The following FBXO5 variants were observed in gnomAD, a reference collection of about 807,000 sequenced individuals.
The protein encoded by FBXO5 is F-box protein 5.
In FBXO5, 8 loss-of-function variants were observed where a neutral mutation model predicts 43.3. The ratio of observed to expected loss-of-function variants is 0.18; its 90% CI spans 0.11 to 0.33. FBXO5 has a LOEUF of 0.33. Ranked by LOEUF, FBXO5 falls within the 10% of genes least tolerant of loss-of-function variation. The probability of loss-of-function intolerance (pLI) is 1.00; values close to 1 mark genes in which losing one functional copy is unlikely to be tolerated. For missense variants in FBXO5, 491 were observed against 535.7 expected, an observed-to-expected ratio of 0.92 and a Z score of 0.82; for synonymous variants, 204 against 193.7, an observed-to-expected ratio of 1.05 and a Z score of -0.44.
Position 152,975,465 on chromosome 6 carries a change from A to G in FBXO5, c.260T>C (p.Ile87Thr). Reference sequence around the variant, plus strand: ...ACATGACAGCCTTTCATAGTCTTTAATGCAGTCTTTACAGGAACCTTCCAA... The same window carrying G: ...ACATGACAGCCTTTCATAGTCTTTAGTGCAGTCTTTACAGGAACCTTCCAA... Reference protein sequence around the residue: ...AYLEGSCKDCIKDYERLSCIG... With the variant: ...AYLEGSCKDCTKDYERLSCIG... The change falls in exon 2 of 5, where the codon ATT becomes ACT. Residue 87 changes from isoleucine to threonine, a missense_variant. Coordinates refer to ENST00000229758, the MANE Select transcript of FBXO5 (RefSeq NM_012177.5). 2 of 1,614,074 alleles carry G rather than the reference A, an allele frequency of 1.2e-6. No individual in the cohort carries two copies. Among genetic ancestry groups the G allele is most frequent in the Non-Finnish European group, 1.7e-6 (2 of 1,180,022 alleles).
intron 2 of FBXO5, chr6:152,973,376 C>T (rs771005469): frequency 1.1e-5 from 5 of 435,262 alleles, no homozygotes; most frequent in African/African-American, 2.0e-5. Context: ...TTAAGAACCA[C>T]TGCTTTGTAC....
At chr6:152,982,194 G>T (rs1778270571) in intron 1 of FBXO5, among the ~76,000 whole-genome samples, 2 of 152,158 alleles carry the variant, frequency 1.3e-5, no homozygotes, top group Admixed American at 6.5e-5. Context: ...CAATGAGTTG[G>T]GGGGGTGTCT....
At chr6:152,974,446 C>G (rs779530251) in intron 2 of FBXO5, among the ~76,000 whole-genome samples, 1 of 152,050 alleles carries the variant, frequency 6.6e-6, no homozygotes, top group Non-Finnish European at 1.5e-5. Flanking sequence ...GAACAAGGAT[C>G]CTAATCCAAC....
chr6:152,982,429 C>CT (rs1778276746), intron 1 of FBXO5, among the ~76,000 whole-genome samples: 1 of 152,098 alleles, frequency 6.6e-6, no homozygotes, highest in African/African-American at 2.4e-5. Flanking sequence ...GGTGAGGCAC[C>CT]TGGCCAGGCC....
intron 1 of FBXO5, among the ~76,000 whole-genome samples, chr6:152,976,098 CTT>C (rs1274326382): frequency 1.3e-5 from 2 of 152,046 alleles, no homozygotes; most frequent in Admixed American, 1.3e-4. Context: ...TTATGGTTCT[CTT>C]TGACGTAAGC....
intron 1 of FBXO5, among the ~76,000 whole-genome samples, chr6:152,976,529 G>A (rs953582876): frequency 1.4e-4 from 22 of 152,124 alleles, no homozygotes; most frequent in Non-Finnish European, 2.2e-4. Flanking sequence ...CCAAAGAACC[G>A]TAAGTATGAA....
At chr6:152,983,363 C>G (rs754875528), upstream of FBXO5, 1 of 175,476 alleles carries the variant, frequency 5.7e-6, no homozygotes, top group African/African-American at 2.4e-5. Flanking sequence ...CTTCCGCCGT[C>G]TTCTGGACCG....
intron 1 of FBXO5, among the ~76,000 whole-genome samples, chr6:152,979,786 A>G (rs1198069796): frequency 1.3e-5 from 2 of 152,192 alleles, no homozygotes; most frequent in Non-Finnish European, 2.9e-5. Flanking sequence ...CATTTCACAT[A>G]CTTAAATCAT....
intron 1 of FBXO5, among the ~76,000 whole-genome samples, chr6:152,978,338 T>C (rs1202651666): frequency 7.9e-6 from 1 of 126,146 alleles, no homozygotes; most frequent in East Asian, 2.6e-4. Flanking sequence ...CTTTGCTTAT[T>C]TAGCTTCTAA....
At chr6:152,980,522 T>C (rs1253357887) in intron 1 of FBXO5, among the ~76,000 whole-genome samples, 1 of 152,054 alleles carries the variant, frequency 6.6e-6, no homozygotes, top group East Asian at 1.9e-4. Flanking sequence ...GGGTCAAAAG[T>C]GGAGAAATTT....
chr6:152,974,866 C>A, intron 2 of FBXO5, 41 bp downstream of exon 2: 2 of 1,465,230 alleles, frequency 1.4e-6, no homozygotes, highest in South Asian at 2.7e-5. Flanking sequence ...CAGCAATGTT[C>A]AGTGTATTAT....
At chr6:152,982,427 AC>A (rs1339835110) in intron 1 of FBXO5, among the ~76,000 whole-genome samples, 1 of 150,420 alleles carries the variant, frequency 6.6e-6, no homozygotes, top group African/African-American at 2.5e-5. Flanking sequence ...AAGGTGAGGC[AC>A]CTGGCCAGGC....
chr6:152,979,616 ACAG>A (rs1358443904), intron 1 of FBXO5, among the ~76,000 whole-genome samples: 16 of 152,228 alleles, frequency 1.1e-4, no homozygotes, highest in African/African-American at 3.1e-4. Flanking sequence ...ATTCTTCTTT[ACAG>A]CAGATTTGTC....
chr6:152,972,934 A>T, intron 3 of FBXO5, 112 bp downstream of exon 3: 2 of 705,312 alleles, frequency 2.8e-6, no homozygotes, highest in South Asian at 2.2e-5. Context: ...TATAAGGCTG[A>T]AATACTTTAT....
chr6:152,972,047 G>C (rs899828350), intron 4 of FBXO5, among the ~76,000 whole-genome samples: 3 of 151,880 alleles, frequency 2.0e-5, no homozygotes, highest in Non-Finnish European at 4.4e-5. Context: ...TGTTTCTTTT[G>C]TTTTCCACAT....
chr6:152,971,499 C>T lies in FBXO5; in HGVS notation c.1093-85G>A. ...AATAAAACCAAGGACACCCTTGCACCTTCCCCAATTCATGTATGAAATATC... is the reference window on the plus strand; with the variant it reads ...AATAAAACCAAGGACACCCTTGCACTTTCCCCAATTCATGTATGAAATATC... On this transcript the variant is annotated intron_variant, in intron 4 of 4. Transcript: ENST00000229758. 6 of 1,351,124 alleles carry T rather than the reference C, an allele frequency of 4.4e-6. No homozygotes were observed. In the South Asian group the frequency reaches 8.6e-5, roughly 19 times the overall value. 83.7% of individuals were successfully genotyped at this position (1,351,124 alleles called of 1,614,324 possible).
At chr6:152,973,312 T>A (rs185127031) in intron 2 of FBXO5, 176 bp from the exon 3 acceptor site, 461 of 554,542 alleles carry the variant, frequency 8.3e-4, no homozygotes, top group African/African-American at 7.9e-3. Context: ...AGCTCAGGGC[T>A]CTGTATTTTT....
Position 152,975,161 on chromosome 6 carries a change from G to T in FBXO5, c.564C>A (p.Asn188Lys), listed in dbSNP as rs747065220. The T allele has an allele frequency of 3.1e-6, 5 of 1,614,162 alleles. No individual in the cohort carries two copies. Among genetic ancestry groups the T allele is most frequent in the Non-Finnish European group, 4.2e-6 (5 of 1,180,022 alleles). Reference sequence around the variant, plus strand: ...AATGAAGAACTGGCAGCAAGTTTTTGTTGGGATATTGGTCTGGGCTTTGTA... The same window carrying T: ...AATGAAGAACTGGCAGCAAGTTTTTTTTGGGATATTGGTCTGGGCTTTGTA... ...LQIQSPDQYP[N>K]KNLLPVLHFE... Residue 188 changes from asparagine to lysine, a missense_variant, in exon 2 of 5, where the codon AAC (asparagine) becomes AAA (lysine). Physicochemically the swap from Asn to Lys is moderately conservative, Grantham distance 94 (BLOSUM62 0). Coordinates refer to ENST00000229758, the MANE Select transcript of FBXO5 (RefSeq NM_012177.5).
chr6:152,983,149 G>A (rs1208755140), upstream of FBXO5: 1 of 408,082 alleles, frequency 2.5e-6, no homozygotes, highest in East Asian at 3.6e-5. Flanking sequence ...TAGGAGGGCA[G>A]TGGGTGGGGG....
Sources: gnomAD v4.1 joint callset for allele counts (sites outside exome capture counted in the v4.1 genomes callset) on GRCh38, gnomAD v4.1.1 for gene constraint, MANE v1.5 for transcripts, NCBI Gene and HGNC (gene_info 2026-07-23, HGNC 2026-07-21) for gene names.